The following ALLC variants were observed in gnomAD, a reference collection of about 807,000 sequenced individuals.
The protein encoded by ALLC is allantoicase.
A neutral mutation model predicts 45.0 loss-of-function variants in ALLC; 40 were observed. The observed-to-expected ratio is 0.89, with a 90% confidence interval of 0.69 to 1.16. ALLC has a LOEUF of 1.16. ALLC is among the 50% of genes most tolerant of loss of function. The pLI, the probability that ALLC is intolerant of heterozygous loss-of-function variation, is 0.00. For missense variants in ALLC, 488 were observed against 493.1 expected, an observed-to-expected ratio of 0.99 and a Z score of 0.10; for synonymous variants, 176 against 178.1, an observed-to-expected ratio of 0.99 and a Z score of 0.09.
the ALLC span, among the ~76,000 whole-genome samples, chr2:3,651,005 T>C: frequency 6.6e-6 from 1 of 151,894 alleles, no homozygotes; most frequent in African/African-American, 2.4e-5. Context: ...ATCTGCAAAG[T>C]AGGAGGGAAA....
In ALLC at chr2:3,680,620, C is replaced by G. The variant is rs77032702; in HGVS notation, c.298+626C>G. Among the ~76,000 whole-genome samples, 1,932 of 152,272 alleles carry G rather than the reference C, an allele frequency of 0.013. 28 individuals are homozygous for G. The highest frequency in any genetic ancestry group is 0.017 in the Non-Finnish European group (1,185 of 68,024). On this transcript the variant is annotated intron_variant, in intron 5 of 11. Coordinates refer to ENST00000252505, the MANE Select transcript of ALLC (RefSeq NM_018436.4). This position sits in a 1 kb window ranked among gnomAD's most constrained non-coding sequence, Gnocchi z 4.0. Reference sequence around the variant, plus strand: ...ACGGGTATTTTATTGGGGGAACTTACGGACAGAAGCGTGGCCTTGGGCAGC... The same window carrying G: ...ACGGGTATTTTATTGGGGGAACTTAGGGACAGAAGCGTGGCCTTGGGCAGC...
chr2:3,677,735 C>G (rs568932762), intron 3 of ALLC, among the ~76,000 whole-genome samples: 1 of 152,322 alleles, frequency 6.6e-6, no homozygotes, highest in African/African-American at 2.4e-5. Flanking sequence ...CCTGCTACCC[C>G]TAGTCCCTTC....
the ALLC span, among the ~76,000 whole-genome samples, chr2:3,651,419 G>GCA: frequency 1.1e-4 from 6 of 56,252 alleles, no homozygotes; most frequent in Admixed American, 2.5e-4. Flanking sequence ...GTGTGTGTGT[G>GCA]TGTGTGTGTG....
chr2:3,655,995 C>A (rs1358984554), upstream of ALLC, among the ~76,000 whole-genome samples: 1 of 152,142 alleles, frequency 6.6e-6, no homozygotes, highest in East Asian at 1.9e-4. Flanking sequence ...CCAGCGAGCT[C>A]CCAGTGGAAT....
At chr2:3,647,364 G>A in the ALLC span, among the ~76,000 whole-genome samples, 3 of 151,992 alleles carry the variant, frequency 2.0e-5, no homozygotes, top group Non-Finnish European at 4.4e-5. Flanking sequence ...TGCCTCGGGG[G>A]TGGGCATTCT....
At chr2:3,676,327 G>A (rs1667024250) in intron 3 of ALLC, among the ~76,000 whole-genome samples, 1 of 152,214 alleles carries the variant, frequency 6.6e-6, no homozygotes, top group Non-Finnish European at 1.5e-5. Flanking sequence ...CAGGCTGTCA[G>A]GCTGGGGTGC....
chr2:3,691,166 T>C (rs1667507145), intron 7 of ALLC, among the ~76,000 whole-genome samples: 1 of 152,202 alleles, frequency 6.6e-6, no homozygotes, highest in South Asian at 2.1e-4. Flanking sequence ...ATGGTTATCA[T>C]TGAGAAGTCT....
At chr2:3,697,488 A>G (rs1360019654) in intron 10 of ALLC, 32 bp downstream of exon 10, 13 of 1,568,002 alleles carry the variant, frequency 8.3e-6, no homozygotes, top group Non-Finnish European at 1.1e-5. Flanking sequence ...AGTACCCTAT[A>G]ATTGGTTTGT....
intron 1 of ALLC, among the ~76,000 whole-genome samples, chr2:3,660,615 C>T (rs1406950088): frequency 6.6e-6 from 1 of 151,996 alleles, no homozygotes; most frequent in African/African-American, 2.4e-5. Context: ...ATGGCGCACA[C>T]CTGGACAAGG....
the ALLC span, among the ~76,000 whole-genome samples, chr2:3,651,284 C>CGGGAA: frequency 1.5e-5 from 1 of 66,006 alleles, no homozygotes; most frequent in Admixed American, 2.2e-4. Flanking sequence ...CCGATGCTTG[C>CGGGAA]GGGAATTCTT....
At chr2:3,678,321 G>T (rs1184107974) in intron 3 of ALLC, 147 bp from the exon 4 acceptor site, 1 of 633,118 alleles carries the variant, frequency 1.6e-6, no homozygotes, top group Non-Finnish European at 2.8e-6. Context: ...TCTGGAAGGG[G>T]CTAGCTGGGC....
chr2:3,672,305 C>G (rs367821918), intron 2 of ALLC, among the ~76,000 whole-genome samples: 22 of 85,958 alleles, frequency 2.6e-4, no homozygotes, highest in Middle Eastern at 0.012. Context: ...CTGGTTAGAT[C>G]GGAAGTCCTC....
chr2:3,654,494 G>A (rs1397023006), upstream of ALLC, among the ~76,000 whole-genome samples: 1 of 152,254 alleles, frequency 6.6e-6, no homozygotes, highest in Non-Finnish European at 1.5e-5. Flanking sequence ...GGCCGTCTAG[G>A]AGGCTGCCCA....
chr2:3,682,817 G>A (rs918813878), intron 6 of ALLC, 125 bp from the exon 7 acceptor site: 25 of 1,020,514 alleles, frequency 2.4e-5, no homozygotes, highest in African/African-American at 1.5e-4. Flanking sequence ...GAGCCACCGT[G>A]CCCGGCATCC....
chr2:3,689,906 A>G (rs1182058580), intron 7 of ALLC, among the ~76,000 whole-genome samples: 7 of 147,884 alleles, frequency 4.7e-5, no homozygotes. Flanking sequence ...GGACACATAG[A>G]TATTCATAAT....
At chr2:3,651,887 T>G in the ALLC span, among the ~76,000 whole-genome samples, 1 of 152,154 alleles carries the variant, frequency 6.6e-6, no homozygotes, top group South Asian at 2.1e-4. Context: ...AGAAGGCAAC[T>G]CAAGGTCACT....
At chr2:3,673,367 G>T (rs1303858430) in intron 2 of ALLC, among the ~76,000 whole-genome samples, 1 of 152,210 alleles carries the variant, frequency 6.6e-6, no homozygotes, top group African/African-American at 2.4e-5. Flanking sequence ...TTTGAACCCT[G>T]GAACAGGTCA....
chr2:3,697,551 G>A lies in ALLC; in HGVS notation c.850+95G>A, dbSNP rs773533058. The A allele has an allele frequency of 2.0e-5, 19 of 948,216 alleles. No individual in the cohort carries two copies. The Middle Eastern group carries it at 1.7e-3, about 84-fold the overall frequency. 58.7% of individuals were successfully genotyped at this position (948,216 alleles called of 1,614,324 possible). A position where few individuals can be genotyped will look rare whatever the true frequency, so the allele number is the denominator to read the frequency against. ...GTGGGACTGAGGACACTGGACTTTCGGTGTGGATTCCCCGTTTAAGCTGTG... is the reference window on the plus strand; with the variant it reads ...GTGGGACTGAGGACACTGGACTTTCAGTGTGGATTCCCCGTTTAAGCTGTG... On this transcript the variant is annotated intron_variant, in intron 10 of 11. Coordinates refer to ENST00000252505, the MANE Select transcript of ALLC (RefSeq NM_018436.4).
At chr2:3,674,546 C>T (rs753129013) in intron 3 of ALLC, among the ~76,000 whole-genome samples, 13 of 152,206 alleles carry the variant, frequency 8.5e-5, no homozygotes, top group Non-Finnish European at 1.9e-4. Context: ...GCCCTGCTGG[C>T]GTCCTGCTCC....
Sources: allele counts gnomAD v4.1 joint callset (sites outside exome capture counted in the v4.1 genomes callset), GRCh38; gene constraint gnomAD v4.1.1; non-coding constraint Gnocchi (gnomAD v3.1); transcripts MANE v1.5; gene names NCBI Gene and HGNC (gene_info 2026-07-23, HGNC 2026-07-21).